Variants in G2E3 observed in about 807,000 individuals in gnomAD.
The protein encoded by G2E3 is G2/M-phase specific E3 ubiquitin protein ligase.
G2E3 carries 35 observed loss-of-function variants against 92.8 expected under a neutral mutation model. That is an observed-to-expected ratio of 0.38 (90% CI 0.29 to 0.50). G2E3 has a LOEUF of 0.50. G2E3 is among the 20% of genes least tolerant of loss of function. The pLI, the probability that G2E3 is intolerant of heterozygous loss-of-function variation, is 0.94. For synonymous variants in G2E3, 242 were observed against 272.4 expected, an observed-to-expected ratio of 0.89 and a Z score of 1.10; for missense variants, 554 against 823.8, an observed-to-expected ratio of 0.67 and a Z score of 4.01.
Position 30,605,678 on chromosome 14 carries a change from T to G in G2E3, c.1184T>G (p.Val395Gly), listed in dbSNP as rs1004625120. ...TCATATGCAATTGAAGTAGCATATG[T>G]TATTGAAAATGATAATTTTGGAAGT... Reference protein sequence around the residue: ...NPSYAIEVAYVIENDNFGSEH... With the variant: ...NPSYAIEVAYGIENDNFGSEH... Residue 395 changes from valine to glycine, a missense_variant, in exon 11 of 15, where the codon GTT (valine) becomes GGT (glycine). Coordinates refer to ENST00000206595, the MANE Select transcript of G2E3 (RefSeq NM_017769.5). The G allele has an allele frequency of 3.4e-5, 54 of 1,609,542 alleles. No individual in the cohort carries two copies. The highest frequency in any genetic ancestry group is 4.3e-5 in the Non-Finnish European group (51 of 1,176,602).
chr14:30,567,617 C>T (rs977591409), intron 1 of G2E3, among the ~76,000 whole-genome samples: 2 of 151,848 alleles, frequency 1.3e-5, no homozygotes, highest in Admixed American at 1.3e-4. Flanking sequence ...TATTGATTCT[C>T]AATTTAAAAA....
intron 1 of G2E3, among the ~76,000 whole-genome samples, chr14:30,570,472 A>G (rs1310287003): frequency 1.3e-5 from 2 of 152,010 alleles, no homozygotes; most frequent in Non-Finnish European, 1.5e-5. Flanking sequence ...TATTAAGCAT[A>G]TATTGGTATA....
At position 30,586,722 on chromosome 14, in the gene G2E3, T is replaced by C; in HGVS notation, c.42T>C (p.Cys14=). The C allele has an allele frequency of 8.0e-7, 1 of 1,247,542 alleles. No individual in the cohort carries two copies. Among genetic ancestry groups the C allele is most frequent in the East Asian group, 2.5e-5 (1 of 40,250 alleles). The allele number at this position is 1,247,542 out of a possible 1,614,324, so 77.3% of individuals were successfully genotyped here. ...SKPGDSQNLA[C]VFCRKHDDCP... is the part of the protein sequence containing the mutation. Reference sequence around the variant, plus strand: ...TATTTACTTTTTCACTGTTAGCTTGTGTTTTCTGTCGAAAACATGATGACT... The same window carrying C: ...TATTTACTTTTTCACTGTTAGCTTGCGTTTTCTGTCGAAAACATGATGACT... Residue 14 remains cysteine, a synonymous_variant, in exon 3 of 15, where the codon TGT becomes TGC. Coordinates refer to ENST00000206595, the MANE Select transcript of G2E3 (RefSeq NM_017769.5).
intron 1 of G2E3, among the ~76,000 whole-genome samples, chr14:30,562,546 T>A (rs1035117155): frequency 2.0e-5 from 3 of 152,086 alleles, no homozygotes; most frequent in African/African-American, 7.2e-5. Flanking sequence ...GGTCTAGCGA[T>A]AGCGTCAGTG....
At chr14:30,589,528 C>A in intron 4 of G2E3, 44 bp downstream of exon 4, 1 of 979,870 alleles carries the variant, frequency 1.0e-6, no homozygotes, top group Non-Finnish European at 1.6e-6. Context: ...TAAATATTGT[C>A]AATACTTGGG....
intron 2 of G2E3, among the ~76,000 whole-genome samples, chr14:30,585,747 A>T (rs1347058593): frequency 6.7e-6 from 1 of 148,242 alleles, no homozygotes; most frequent in African/African-American, 2.5e-5. Context: ...CTTTGGGTTT[A>T]GTTTCTTCTT....
intron 1 of G2E3, chr14:30,574,449 G>T (rs1229926025): frequency 1.3e-5 from 2 of 149,812 alleles, no homozygotes; most frequent in Admixed American, 1.3e-4. Flanking sequence ...AGGTTTGGGG[G>T]TACATGTGAA....
At position 30,617,070 on chromosome 14, in the gene G2E3, G is replaced by T. The variant is rs1882346518; in HGVS notation, c.*536G>T. 6.6e-6 allele frequency: 1 copy of T among 152,248 alleles called. No individual in the cohort carries two copies. The highest frequency in any genetic ancestry group is 2.4e-5 in the African/African-American group (1 of 41,418). The allele number at this position is 152,248 out of a possible 1,614,324, so 9.4% of individuals were successfully genotyped here. A position where few individuals can be genotyped will look rare whatever the true frequency, so the allele number is the denominator to read the frequency against. On this transcript the variant is annotated 3_prime_UTR_variant, in exon 15 of 15. Transcript: ENST00000206595. Reference sequence around the variant, plus strand: ...TGTCACCAAATTAGTTGTTTAAAATGTTTTTAGATTACTGATTTATATTAA... The same window carrying T: ...TGTCACCAAATTAGTTGTTTAAAATTTTTTTAGATTACTGATTTATATTAA...
At chr14:30,616,166 T>A in intron 14 of G2E3, 112 bp from the exon 15 acceptor site, 1 of 710,202 alleles carries the variant, frequency 1.4e-6, no homozygotes, top group Non-Finnish European at 2.4e-6. Flanking sequence ...AATGTGGGAG[T>A]CTGTGCCTTT....
At chr14:30,591,023 A>G in intron 4 of G2E3, 2 of 189,128 alleles carry the variant, frequency 1.1e-5, no homozygotes, top group Non-Finnish European at 2.2e-5. Context: ...TGGCACTCAG[A>G]AAGTTTCCTA....
intron 2 of G2E3, 79 bp from the exon 3 acceptor site, chr14:30,586,639 T>G (rs1339091343): frequency 1.9e-6 from 1 of 521,774 alleles, no homozygotes; most frequent in African/African-American, 2.0e-5. Context: ...ACACAGAAAT[T>G]TAGAGAAGCA....
chr14:30,575,936 A>C (rs968955818), intron 1 of G2E3, among the ~76,000 whole-genome samples: 1 of 152,228 alleles, frequency 6.6e-6, no homozygotes, highest in African/African-American at 2.4e-5. Flanking sequence ...TAAAATGGCT[A>C]TTGTGCCCAA....
chr14:30,604,702 A>T (rs1881742036), intron 10 of G2E3, among the ~76,000 whole-genome samples: 1 of 152,246 alleles, frequency 6.6e-6, no homozygotes, highest in African/African-American at 2.4e-5. Flanking sequence ...ACTGTTAATT[A>T]TGACTTTATG....
rs138039664 is a variant in G2E3, at chr14:30,604,872, C to CTTCATTCA, written c.1011-602_1011-595dup. ...CCAGGAAGGTGAGAGTTTGAGCTTGCTTCATTCATTCATTCATTCATTCAT... is the reference window on the plus strand; with the variant it reads ...CCAGGAAGGTGAGAGTTTGAGCTTGCTTCATTCATTCATTCATTCATTCATTCATTCAT... On this transcript the variant is annotated intron_variant, in intron 10 of 14. Transcript: ENST00000206595. Among the ~76,000 whole-genome samples the CTTCATTCA allele has an allele frequency of 1.1e-3, 158 of 147,274 alleles. 2 individuals carry two copies. The East Asian group carries it at 0.017, about 16-fold the overall frequency.
intron 10 of G2E3, chr14:30,602,900 C>G (rs1389418181): frequency 6.6e-6 from 1 of 152,212 alleles, no homozygotes; most frequent in East Asian, 1.9e-4. Flanking sequence ...GTGTGCGCCA[C>G]TATGCCCTGC....
chr14:30,586,423 T>C (rs1880716115), intron 2 of G2E3, among the ~76,000 whole-genome samples: 1 of 152,218 alleles, frequency 6.6e-6, no homozygotes, highest in African/African-American at 2.4e-5. Flanking sequence ...CTAACAGTTT[T>C]TGGCAGTTTA....
intron 6 of G2E3, among the ~76,000 whole-genome samples, chr14:30,595,702 A>G (rs553473946): frequency 1.9e-4 from 29 of 152,326 alleles, no homozygotes; most frequent in African/African-American, 6.0e-4. Flanking sequence ...AGGAGTTCCA[A>G]TAACTTTTGT....
At chr14:30,591,932 T>C (rs564520896) in intron 4 of G2E3, among the ~76,000 whole-genome samples, 1 of 152,284 alleles carries the variant, frequency 6.6e-6, no homozygotes, top group South Asian at 2.1e-4. Context: ...GTTTATAGTA[T>C]TTTCCTATTC....
intron 1 of G2E3, among the ~76,000 whole-genome samples, chr14:30,569,820 C>G (rs1879654528): frequency 1.3e-5 from 2 of 152,180 alleles, no homozygotes; most frequent in Non-Finnish European, 2.9e-5. Flanking sequence ...GCAGAATCAG[C>G]AAGAGCAACT....
Sources: allele counts gnomAD v4.1 joint callset (sites outside exome capture counted in the v4.1 genomes callset), GRCh38; gene constraint gnomAD v4.1.1; transcripts MANE v1.5; gene names NCBI Gene and HGNC (gene_info 2026-07-23, HGNC 2026-07-21).